SLC22A8: variants seen among roughly 807,000 people sequenced by gnomAD.
The protein encoded by SLC22A8 is organic anion transporter 3.
Under a neutral mutation model 48.4 loss-of-function variants are expected in SLC22A8, and 40 were observed. That is an observed-to-expected ratio of 0.83 (90% CI 0.64 to 1.08). The LOEUF (loss-of-function observed/expected upper bound fraction) is 1.08. SLC22A8 is among the 50% of genes least tolerant of loss of function. The pLI, the probability that SLC22A8 is intolerant of heterozygous loss-of-function variation, is 0.00. For missense variants in SLC22A8, 606 were observed against 699.0 expected (o/e 0.87, Z 1.50); for synonymous variants, 268 against 286.3 (o/e 0.94, Z 0.65).
intron 2 of SLC22A8, among the ~76,000 whole-genome samples, chr11:63,003,091 T>TAATG (rs2086516979): frequency 6.6e-6 from 1 of 152,220 alleles, no homozygotes; most frequent in South Asian, 2.1e-4. Context: ...TCGGTAAAGA[T>TAATG]AATGCCCCAT....
chr11:63,002,317 G>C (rs2086505326), intron 2 of SLC22A8, among the ~76,000 whole-genome samples: 1 of 152,138 alleles, frequency 6.6e-6, no homozygotes, highest in African/African-American at 2.4e-5. Context: ...TATGCAATGT[G>C]AAGTGATTAA....
rs1330346388 is a variant in SLC22A8 at position 62,993,356 on chromosome 11, G to A, written c.1530-20C>T. 1 of 1,613,784 alleles carries A rather than the reference G, an allele frequency of 6.2e-7. No homozygotes were observed. The highest frequency in any genetic ancestry group is 1.1e-5 in the South Asian group (1 of 91,078). ...AGGGACCTAGGGACAGAGAGCTAAG[G>A]AAAAGCCCTGGGCCCAGACCTGCTT... On this transcript the variant is annotated intron_variant, in intron 10 of 10. Transcript: ENST00000336232.
In SLC22A8 at chr11:62,999,676, A is replaced by C; in HGVS notation, c.592+12T>G. 1 of 1,530,144 alleles carries C rather than the reference A, an allele frequency of 6.5e-7. No homozygotes were observed. Among genetic ancestry groups the C allele is most frequent in the South Asian group, 1.3e-5 (1 of 78,246 alleles). 94.8% of individuals were successfully genotyped at this position (1,530,144 alleles called of 1,614,324 possible). On this transcript the variant is annotated intron_variant, in intron 4 of 10. Transcript: ENST00000336232. The stretch of plus-strand genomic sequence containing the variant: ...TCCCCAAAGCCCAGCTCCATGCCCC[A>C]CTGCAGCTCACTCAAGATGACGGTG...
Position 62,993,554 on chromosome 11 carries a change from C to G in SLC22A8, c.1399G>C (p.Gly467Arg), listed in dbSNP as rs368127375. ...TTGGGGATGAAGGGCTGTACCTCAC[C>G]CGTGATTTTCACCAGCGGGGACACC... ...SMVSPLVKITGEVQPFIPNII... is the reference protein window; with the variant it reads ...SMVSPLVKITREVQPFIPNII... Residue 467 changes from glycine to arginine, a missense_variant, in exon 10 of 11, where the codon GGT (glycine) becomes CGT (arginine). Coordinates refer to ENST00000336232, the MANE Select transcript of SLC22A8 (RefSeq NM_004254.4). 4 of 1,613,960 alleles carry G rather than the reference C, an allele frequency of 2.5e-6. No homozygotes were observed. In the African/African-American group the frequency reaches 5.3e-5, roughly 22 times the overall value.
intron 2 of SLC22A8, among the ~76,000 whole-genome samples, chr11:63,012,149 C>G (rs1348792276): frequency 3.9e-5 from 6 of 152,062 alleles, no homozygotes; most frequent in Non-Finnish European, 8.8e-5. Context: ...ACCACCACAC[C>G]TTGCTAATTT....
At chr11:62,998,013 G>A (rs1221120931) in intron 5 of SLC22A8, among the ~76,000 whole-genome samples, 3 of 152,006 alleles carry the variant, frequency 2.0e-5, no homozygotes, top group Non-Finnish European at 4.4e-5. Flanking sequence ...GTGCAGTGGC[G>A]TGACCTTGGC....
intron 2 of SLC22A8, among the ~76,000 whole-genome samples, chr11:63,004,601 T>G (rs2086534532): frequency 1.3e-5 from 2 of 152,220 alleles, no homozygotes; most frequent in Admixed American, 6.5e-5. Flanking sequence ...CAGCAGCCTA[T>G]ACCTCTCTAC....
intron 2 of SLC22A8, among the ~76,000 whole-genome samples, chr11:63,014,180 G>A (rs1307093437): frequency 6.6e-6 from 1 of 152,144 alleles, no homozygotes; most frequent in Non-Finnish European, 1.5e-5. Context: ...GGGCATTTCT[G>A]TAGGGAGGAT....
chr11:63,009,950 C>A (rs999359131), intron 2 of SLC22A8, among the ~76,000 whole-genome samples: 5 of 152,168 alleles, frequency 3.3e-5, no homozygotes, highest in African/African-American at 1.2e-4. Context: ...AGGAGGGAGG[C>A]AAAGTCAGGG....
chr11:62,998,967 G>A lies in SLC22A8; in HGVS notation c.715C>T (p.Gln239Ter), dbSNP rs11568496. The A allele has an allele frequency of 2.5e-6, 4 of 1,613,752 alleles. No individual in the cohort carries two copies. Among genetic ancestry groups the A allele is most frequent in the East Asian group, 4.5e-5 (2 of 44,894 alleles). Residue 239 changes from glutamine (Q) to a stop codon, truncating the protein, a stop_gained, in exon 5 of 11, where the codon CAG becomes TAG. Coordinates refer to ENST00000336232, the MANE Select transcript of SLC22A8 (RefSeq NM_004254.4). LOFTEE classifies it high-confidence loss of function. Reference sequence around the variant, plus strand: ...AAGAAGGGAATGGACACAGTTAACTGCAGCCAACGCCACTGGGGGATGGCG... The same window carrying A: ...AAGAAGGGAATGGACACAGTTAACTACAGCCAACGCCACTGGGGGATGGCG... ...AYAIPQWRWLQLTVSIPFFVF... is the reference protein window; with the variant it reads ...AYAIPQWRWL
rs4149179 is a variant in SLC22A8, at chr11:63,014,974, C to G, written c.-16G>C. ...AGAAGGTCATGGCACTGGGGCAAGA[C>G]GAGCCAGAGCTGTGGGCAGGGCATA... On this transcript the variant is annotated 5_prime_UTR_variant, in exon 2 of 11. Transcript: ENST00000336232. 2.6e-6 allele frequency: 4 copies of G among 1,530,902 alleles called. No individual in the cohort carries two copies. The highest frequency in any genetic ancestry group is 3.5e-6 in the Non-Finnish European group (4 of 1,134,472). The allele number at this position is 1,530,902 out of a possible 1,614,324, so 94.8% of individuals were successfully genotyped here. A position where few individuals can be genotyped will look rare whatever the true frequency, so the allele number is the denominator to read the frequency against.
intron 2 of SLC22A8, among the ~76,000 whole-genome samples, chr11:63,012,564 T>G (rs957142914): frequency 2.0e-5 from 3 of 152,128 alleles, no homozygotes; most frequent in Admixed American, 6.5e-5. Context: ...GCCTCAATCC[T>G]CACTCCAGGC....
chr11:62,999,597 G>T, intron 4 of SLC22A8, 91 bp downstream of exon 4: 3 of 1,104,804 alleles, frequency 2.7e-6, no homozygotes, highest in Non-Finnish European at 2.5e-6. Flanking sequence ...GTCACAGGGA[G>T]CCTGTGGTTG....
intron 2 of SLC22A8, among the ~76,000 whole-genome samples, chr11:63,006,383 G>A (rs61893812): frequency 1.2e-4 from 19 of 152,152 alleles, no homozygotes; most frequent in South Asian, 6.2e-4. Flanking sequence ...TTTTATGGTC[G>A]TCTGGCACAA....
At chr11:63,011,034 G>A (rs1250671966) in intron 2 of SLC22A8, among the ~76,000 whole-genome samples, 1 of 152,208 alleles carries the variant, frequency 6.6e-6, no homozygotes, top group Non-Finnish European at 1.5e-5. Flanking sequence ...GGGTGGGTGA[G>A]AGAGGCACAG....
rs549270006 is a variant in SLC22A8, at chr11:63,003,022, C to T, written c.334-2199G>A. Among the ~76,000 whole-genome samples the T allele has an allele frequency of 2.7e-4, 41 of 152,304 alleles. No individual in the cohort carries two copies. The East Asian group carries it at 6.6e-3, about 24-fold the overall frequency. On this transcript the variant is annotated intron_variant, in intron 2 of 10. Coordinates refer to ENST00000336232, the MANE Select transcript of SLC22A8 (RefSeq NM_004254.4). The stretch of plus-strand genomic sequence containing the variant: ...TCCCTGATAACCTGAAGGGCTAAAA[C>T]GCCACTCAAATCAGGTGCCTGTCTT...
intron 2 of SLC22A8, among the ~76,000 whole-genome samples, chr11:63,009,566 C>T (rs1282067923): frequency 6.6e-6 from 1 of 152,180 alleles, no homozygotes; most frequent in Non-Finnish European, 1.5e-5. Context: ...AGCCCAGAGT[C>T]CAGAATTCGT....
chr11:62,993,061 C>T lies in SLC22A8; in HGVS notation c.*176G>A. On this transcript the variant is annotated 3_prime_UTR_variant, in exon 11 of 11. Coordinates refer to ENST00000336232, the MANE Select transcript of SLC22A8 (RefSeq NM_004254.4). ...AGAACAAGGGCAGGGATGGCTGAAC[C>T]TTTGAACTGGCCAGGGCTGGGCAGG... 1 of 600,088 alleles carries T rather than the reference C, an allele frequency of 1.7e-6. No individual in the cohort carries two copies. The highest frequency in any genetic ancestry group is 3.0e-6 in the Non-Finnish European group (1 of 338,118). The allele number at this position is 600,088 out of a possible 1,614,324, so 37.2% of individuals were successfully genotyped here.
At chr11:62,997,230 T>C (rs2086432552) in intron 5 of SLC22A8, among the ~76,000 whole-genome samples, 2 of 152,198 alleles carry the variant, frequency 1.3e-5, no homozygotes, top group Admixed American at 1.3e-4. Context: ...TTTTTCTTTT[T>C]TTTCCTGTTT....
Sources: gnomAD v4.1 joint callset for allele counts (sites outside exome capture counted in the v4.1 genomes callset) on GRCh38, gnomAD v4.1.1 for gene constraint, MANE v1.5 for transcripts, NCBI Gene and HGNC (gene_info 2026-07-23, HGNC 2026-07-21) for gene names.